The following MUC5B variants were observed in gnomAD, a reference collection of about 807,000 sequenced individuals.
MUC5B encodes mucin-5B.
A neutral mutation model predicts 376.9 loss-of-function variants in MUC5B; 116 were observed. That is an observed-to-expected ratio of 0.31 (90% CI 0.26 to 0.36). The LOEUF is 0.36. MUC5B is among the 10% of genes least tolerant of loss of function. The pLI, the probability that MUC5B is intolerant of heterozygous loss-of-function variation, is 1.00. For missense variants in MUC5B, 7,165 were observed against 7,769.9 expected, an observed-to-expected ratio of 0.92 and a Z score of 2.93; for synonymous variants, 3,517 against 3,390.9, an observed-to-expected ratio of 1.04 and a Z score of -1.29.
Position 1,229,819 on chromosome 11 carries a change from C to A in MUC5B, c.1220+12C>A. 6.3e-7 allele frequency: 1 copy of A among 1,585,868 alleles called. No homozygotes were observed. Among genetic ancestry groups the A allele is most frequent in the Non-Finnish European group, 8.6e-7 (1 of 1,167,730 alleles). ...ACCTGCAGCTCCTGGTACTTATGAG[C>A]CCACCAGCCTCCGCCTGGGGTGGGG... On this transcript the variant is annotated intron_variant, in intron 10 of 48. Coordinates refer to ENST00000529681, the MANE Select transcript of MUC5B (RefSeq NM_002458.3).
Position 1,245,294 on chromosome 11 carries a change from C to G in MUC5B, c.8414C>G (p.Ser2805Trp), listed in dbSNP as rs368717082. 1.4e-5 allele frequency: 23 copies of G among 1,595,274 alleles called. No homozygotes were observed. Among genetic ancestry groups the G allele is most frequent in the Non-Finnish European group, 1.8e-5 (21 of 1,171,634 alleles). Reference protein sequence around the residue: ...PAATTGTTQHSTPALSSPHPS... With the variant: ...PAATTGTTQHWTPALSSPHPS... ...GCAACCACCGGTACCACCCAGCACT[C>G]GACTCCAGCCCTGTCCAGCCCTCAC... is the stretch of plus-strand genomic sequence containing the variant. Residue 2805 changes from serine (S) to tryptophan (W), a missense_variant, in exon 31 of 49, where the codon TCG becomes TGG. By Grantham distance (177) the Ser-to-Trp change is radical. Transcript: ENST00000529681.
chr11:1,237,803 A>G (rs981232085), intron 25 of MUC5B, among the ~76,000 whole-genome samples: 2 of 152,200 alleles, frequency 1.3e-5, no homozygotes, highest in African/African-American at 4.8e-5. Flanking sequence ...TGGGAAGAGG[A>G]GGTTGCAGTG....
Position 1,229,085 on chromosome 11 carries a change from G to A in MUC5B, c.977-85G>A, listed in dbSNP as rs1396641224. ...GGCTTCTGTGGACTTGATGGCATGT[G>A]GAAGGCCGTGGAAGGCGGCTGGGGC... On this transcript the variant is annotated intron_variant, in intron 8 of 48. Coordinates refer to ENST00000529681, the MANE Select transcript of MUC5B (RefSeq NM_002458.3). The A allele has an allele frequency of 2.1e-6, 3 of 1,404,058 alleles. No homozygotes were observed. In the Admixed American group the frequency reaches 8.0e-5, roughly 37 times the overall value. 87.0% of individuals were successfully genotyped at this position (1,404,058 alleles called of 1,614,324 possible). A position where few individuals can be genotyped will look rare whatever the true frequency, so the allele number is the denominator to read the frequency against.
chr11:1,239,650 G>A lies in MUC5B; in HGVS notation c.3583+84G>A, dbSNP rs116536223. ...GGGGGGCGGGGATCCCCAGGGACGC[G>A]GTGTAGGCTCCCGTAAACTGCACAA... On this transcript the variant is annotated intron_variant, in intron 27 of 48. Transcript: ENST00000529681. 1,754 of 1,504,296 alleles carry A rather than the reference G, an allele frequency of 1.2e-3. 11 individuals are homozygous for A. In the African/African-American group the frequency reaches 0.02, roughly 17 times the overall value. 93.2% of individuals were successfully genotyped at this position (1,504,296 alleles called of 1,614,324 possible). A position where few individuals can be genotyped will look rare whatever the true frequency, so the allele number is the denominator to read the frequency against.
chr11:1,240,800 G>A, intron 30 of MUC5B, 51 bp from the exon 31 acceptor site: 5 of 1,513,954 alleles, frequency 3.3e-6, no homozygotes, highest in Non-Finnish European at 4.5e-6. Context: ...ACCTTGTGAG[G>A]CCAGGACTGG....
chr11:1,245,352 T>G lies in MUC5B; in HGVS notation c.8472T>G (p.Ser2824=), dbSNP rs779854487. ...PSSRTTESPP[S]PGTTTPGHTR... is the part of the protein sequence containing the mutation. ...GCAGGACCACCGAGTCACCCCCTTC[T>G]CCAGGGACGACCACCCCGGGCCACA... is the stretch of plus-strand genomic sequence containing the variant. Residue 2824 remains serine, a synonymous_variant, in exon 31 of 49, where the codon TCT becomes TCG. Transcript: ENST00000529681. 1 of 1,586,250 alleles carries G rather than the reference T, an allele frequency of 6.3e-7. No individual in the cohort carries two copies. Among genetic ancestry groups the G allele is most frequent in the South Asian group, 1.1e-5 (1 of 89,696 alleles).
Position 1,229,280 on chromosome 11 carries a change from T to C in MUC5B, c.1087T>C (p.Cys363Arg). ...CTGCGAGGACCACTGTGTGGACGGC[T>C]GCTTCTGCCCCCCAGGCAGGTCTTG... ...QLCEDHCVDG[C>R]FCPPGTVLDD... Residue 363 changes from cysteine (C) to arginine (R), a missense_variant, in exon 9 of 49, where the codon TGC becomes CGC. By Grantham distance (180) the Cys-to-Arg change is radical. This residue lies in a region of MUC5B where 640 missense variants were observed against 733.0 expected (regional missense o/e 0.87). Coordinates refer to ENST00000529681, the MANE Select transcript of MUC5B (RefSeq NM_002458.3). 1 of 1,580,096 alleles carries C rather than the reference T, an allele frequency of 6.3e-7. No homozygotes were observed. The highest frequency in any genetic ancestry group is 8.6e-7 in the Non-Finnish European group (1 of 1,167,246).
rs750317633 is a variant in MUC5B, at chr11:1,228,595, C to G, written c.806C>G (p.Pro269Arg). ...ATCTGCCACCGCACCCTGCTGGGGC[C>G]GGCCTTTGCGGAGTGCCACGCACTG... The part of the protein sequence containing the change: ...EGICHRTLLG[P>R]AFAECHALVD... Residue 269 changes from proline (P) to arginine (R), a missense_variant, in exon 8 of 49, where the codon CCG becomes CGG. Pro to Arg is a moderately radical substitution (Grantham distance 103). Coordinates refer to ENST00000529681, the MANE Select transcript of MUC5B (RefSeq NM_002458.3). 1 of 1,530,318 alleles carries G rather than the reference C, an allele frequency of 6.5e-7. No individual in the cohort carries two copies. The highest frequency in any genetic ancestry group is 8.7e-7 in the Non-Finnish European group (1 of 1,143,628). The allele number at this position is 1,530,318 out of a possible 1,614,324, so 94.8% of individuals were successfully genotyped here.
chr11:1,228,854 TG>T, intron 8 of MUC5B, 89 bp downstream of exon 8: 2 of 231,200 alleles, frequency 8.7e-6, no homozygotes, highest in Non-Finnish European at 1.3e-5. Context: ...TGGGGAGGCC[TG>T]GGGGACAGGG....
chr11:1,226,870 G>A lies in MUC5B; in HGVS notation c.455G>A (p.Gly152Glu). Residue 152 changes from glycine (G) to glutamate (E), a missense_variant, in exon 4 of 49, where the codon GGG (glycine) becomes GAG (glutamate). Physicochemically the swap from Gly to Glu is moderately conservative, Grantham distance 98. Around this residue, in one of 31 missense-constraint regions of MUC5B, gnomAD observed 640 missense variants for 733.0 expected, o/e 0.87. Coordinates refer to ENST00000529681, the MANE Select transcript of MUC5B (RefSeq NM_002458.3). ...TCCAACGGCTCCGTCCTCATCAATG[G>A]GCAGCGGTGAGCCGGCCACCCTGGG... ...EASNGSVLIN[G>E]QREELPYSRT... 1 of 1,605,630 alleles carries A rather than the reference G, an allele frequency of 6.2e-7. No individual in the cohort carries two copies. The highest frequency in any genetic ancestry group is 2.2e-5 in the East Asian group (1 of 44,816).
rs569178429 is a variant in MUC5B at position 1,254,255 on chromosome 11, C to G, written c.15381C>G (p.Ala5127=). ...ACTACTGCACGGCCTCTGCCACTGC[C>G]GCTGCCGCCCGCTGCCCCCGCGCCC... ...DNHYCTASAT[A]AAARCPRALS... The change falls in exon 34 of 49, where the codon GCC becomes GCG. Residue 5127 remains alanine (A), a synonymous_variant. Coordinates refer to ENST00000529681, the MANE Select transcript of MUC5B (RefSeq NM_002458.3). 3 of 1,612,124 alleles carry G rather than the reference C, an allele frequency of 1.9e-6. No homozygotes were observed. The African/African-American group carries it at 4.0e-5, about 22-fold the overall frequency.
At chr11:1,231,934 A>G in intron 14 of MUC5B, 62 bp from the exon 15 acceptor site, 1 of 1,601,828 alleles carries the variant, frequency 6.2e-7, no homozygotes, top group Non-Finnish European at 8.5e-7. Context: ...GAGGGATGGC[A>G]GGGGCCAGGA....
intron 4 of MUC5B, 40 bp from the exon 5 acceptor site, chr11:1,226,991 G>A (rs766696862): frequency 6.3e-7 from 1 of 1,584,994 alleles, no homozygotes; most frequent in South Asian, 1.1e-5. Context: ...CAGGCAGCCA[G>A]GAGAGCGGGG....
rs1452504146 is a variant in MUC5B at position 1,262,056 on chromosome 11, G to T, written c.*448G>T. On this transcript the variant is annotated 3_prime_UTR_variant, in exon 49 of 49. Transcript: ENST00000529681. ...GCAAGGCGGCCGCCTGTCCATGCCT[G>T]CTGCAGGGTAACTCAGGGCTGAGGT... 4 of 529,712 alleles carry T rather than the reference G, an allele frequency of 7.6e-6. No homozygotes were observed. Among genetic ancestry groups the T allele is most frequent in the South Asian group, 5.6e-5 (4 of 71,388 alleles). The allele number at this position is 529,712 out of a possible 1,614,324, so 32.8% of individuals were successfully genotyped here.
At position 1,249,775 on chromosome 11, in the gene MUC5B, T is replaced by A. The variant is rs754064280; in HGVS notation, c.12895T>A (p.Ser4299Thr). Residue 4299 changes from serine to threonine, a missense_variant, in exon 31 of 49, where the codon TCC becomes ACC. By Grantham distance (58) the Ser-to-Thr change is moderately conservative (BLOSUM62 1). This residue lies in a region of MUC5B where 431 missense variants were observed against 390.4 expected (regional missense o/e 1.10). Transcript: ENST00000529681. The part of the protein sequence containing the change: ...PTATSSKATS[S>T]SSPRTATTLP... Reference sequence around the variant, plus strand: ...AGCCACCAGTTCCAAAGCCACTTCCTCCTCCAGTCCAAGGACTGCAACCAC... The same window carrying A: ...AGCCACCAGTTCCAAAGCCACTTCCACCTCCAGTCCAAGGACTGCAACCAC... 6.2e-7 allele frequency: 1 copy of A among 1,611,734 alleles called. No individual in the cohort carries two copies. The highest frequency in any genetic ancestry group is 1.3e-5 in the African/African-American group (1 of 74,208).
rs1409031898 is a variant in MUC5B at position 1,238,978 on chromosome 11, C to T, written c.3405C>T (p.Ala1135=). The part of the protein sequence containing the change: ...FCTAVAAYAQ[A]CHDAGLCVSW... ...CGGCTGTGGCTGCCTACGCCCAGGC[C>T]TGCCACGACGCGGGCCTGTGTGTGT... The change falls in exon 26 of 49, where the codon GCC becomes GCT. Residue 1135 remains alanine, a synonymous_variant. Transcript: ENST00000529681. The T allele has an allele frequency of 6.4e-7, 1 of 1,571,924 alleles. No individual in the cohort carries two copies. Among genetic ancestry groups the T allele is most frequent in the South Asian group, 1.2e-5 (1 of 85,750 alleles).
chr11:1,226,919 A>G, intron 4 of MUC5B, 43 bp downstream of exon 4: 2 of 1,364,502 alleles, frequency 1.5e-6, no homozygotes, highest in Non-Finnish European at 1.9e-6. Flanking sequence ...CGGGCCACAC[A>G]GTGTGACCTC....
intron 25 of MUC5B, among the ~76,000 whole-genome samples, chr11:1,237,859 G>C (rs1441307823): frequency 2.0e-5 from 3 of 152,200 alleles, no homozygotes; most frequent in African/African-American, 7.2e-5. Flanking sequence ...AAAAGAGTGA[G>C]ACTCTGTCTC....
chr11:1,228,796 TG>T, intron 8 of MUC5B, 31 bp downstream of exon 8: 1 of 1,271,684 alleles, frequency 7.9e-7, no homozygotes, highest in South Asian at 1.4e-5. Context: ...CGCCAGGGAT[TG>T]TGCCAGAGAG....
Sources: gnomAD v4.1 joint callset for allele counts (sites outside exome capture counted in the v4.1 genomes callset) on GRCh38, gnomAD v4.1.1 for gene constraint, gnomAD v4.1.1 regional missense constraint, MANE v1.5 for transcripts, NCBI Gene and HGNC (gene_info 2026-07-23, HGNC 2026-07-21) for gene names.